The following RANBP3L variants were observed in gnomAD, a reference collection of about 807,000 sequenced individuals.
RANBP3L encodes the protein RAN binding protein 3 like.
A neutral mutation model predicts 67.2 loss-of-function variants in RANBP3L; 56 were observed. The observed-to-expected ratio is 0.83, with a 90% CI of 0.67 to 1.04. RANBP3L has a LOEUF of 1.04. Ranked by LOEUF, RANBP3L falls within the 50% of genes least tolerant of loss-of-function variation. RANBP3L has a pLI of 0.00. For missense variants in RANBP3L, 496 were observed against 535.5 expected (o/e 0.93, Z 0.73); for synonymous variants, 164 against 181.4 (o/e 0.90, Z 0.77).
Position 36,301,575 on chromosome 5 carries a change from T to A in RANBP3L, c.-159A>T. The A allele has an allele frequency of 2.0e-6, 1 of 494,220 alleles. No individual in the cohort carries two copies. Among genetic ancestry groups the A allele is most frequent in the Non-Finnish European group, 3.6e-6 (1 of 274,894 alleles). The allele number at this position is 494,220 out of a possible 1,614,324, so 30.6% of individuals were successfully genotyped here. A position where few individuals can be genotyped will look rare whatever the true frequency, so the allele number is the denominator to read the frequency against. On this transcript the variant is annotated 5_prime_UTR_variant, in exon 1 of 14. The change creates a new upstream start codon in the 5' untranslated region. Transcript: ENST00000296604. ...ATACTCCTCTACTAAACTTCCAAGC[T>A]TTTTCCAGTCATGATTCTTGAAATA...
chr5:36,289,400 C>T (rs113916356), intron 1 of RANBP3L, among the ~76,000 whole-genome samples: 1 of 151,886 alleles, frequency 6.6e-6, no homozygotes, highest in African/African-American at 2.4e-5. Context: ...TTTCCTTATC[C>T]TTTTAAAATC....
chr5:36,282,125 C>T (rs1283416744), intron 1 of RANBP3L, among the ~76,000 whole-genome samples: 1 of 152,156 alleles, frequency 6.6e-6, no homozygotes, highest in Non-Finnish European at 1.5e-5. Context: ...TTTAATTTGA[C>T]AGCATTTGTA....
chr5:36,285,103 T>A (rs1319987246), intron 1 of RANBP3L, among the ~76,000 whole-genome samples: 2 of 152,114 alleles, frequency 1.3e-5, no homozygotes, highest in Admixed American at 6.5e-5. Context: ...AGCTAATACA[T>A]CAAAAGTACT....
intron 1 of RANBP3L, among the ~76,000 whole-genome samples, chr5:36,291,063 A>C (rs1241626347): frequency 6.6e-6 from 1 of 151,842 alleles, no homozygotes; most frequent in Non-Finnish European, 1.5e-5. Flanking sequence ...TGTAGTGGTA[A>C]AATATACTTA....
At chr5:36,265,277 G>A (rs1749680491) in intron 5 of RANBP3L, among the ~76,000 whole-genome samples, 172 bp downstream of exon 5, 1 of 152,038 alleles carries the variant, frequency 6.6e-6, no homozygotes, top group South Asian at 2.1e-4. Context: ...CCTAGCTTTT[G>A]CCCAATAACT....
At position 36,296,930 on chromosome 5, in the gene RANBP3L, A is replaced by AGTCTACACTGCAGTTTGGACTT. The variant is rs563203317; in HGVS notation, c.91+4374_91+4395dup. 7.7e-3 allele frequency among the ~76,000 whole-genome samples: 1,170 copies of AGTCTACACTGCAGTTTGGACTT among 152,260 alleles called. 15 individuals carry two copies. The highest frequency in any genetic ancestry group is 0.026 in the African/African-American group (1,090 of 41,534). ...TCTTCACTTGGGTCTGCAGCCTGTCAGTCTACACTGCAGTTTGGACTTGCC... is the reference window on the plus strand; with the variant it reads ...TCTTCACTTGGGTCTGCAGCCTGTCAGTCTACACTGCAGTTTGGACTTGTCTACACTGCAGTTTGGACTTGCC... On this transcript the variant is annotated intron_variant, in intron 1 of 13. Coordinates refer to ENST00000296604, the MANE Select transcript of RANBP3L (RefSeq NM_145000.5).
At position 36,257,476 on chromosome 5, in the gene RANBP3L, A is replaced by G. The variant is rs752630263; in HGVS notation, c.750T>C (p.Phe250=). 3.2e-6 allele frequency: 5 copies of G among 1,578,796 alleles called. No individual in the cohort carries two copies. Among genetic ancestry groups the G allele is most frequent in the Non-Finnish European group, 4.3e-6 (5 of 1,154,164 alleles). The change falls in exon 9 of 14, where the codon TTT becomes TTC. Residue 250 remains phenylalanine, a synonymous_variant. Transcript: ENST00000296604. ...TACTTGAACTTAAAAAGTTGACAGGAAATTTCGGAATGGATTTGAATGGTT... is the reference window on the plus strand; with the variant it reads ...TACTTGAACTTAAAAAGTTGACAGGGAATTTCGGAATGGATTTGAATGGTT... The part of the protein sequence containing the change: ...KEKPFKSIPK[F]PVNFLSSRTD...
chr5:36,271,314 G>T lies in RANBP3L; in HGVS notation c.92-3C>A. On this transcript the variant is annotated splice_region_variant and splice_polypyrimidine_tract_variant and intron_variant, in intron 1 of 13. Coordinates refer to ENST00000296604, the MANE Select transcript of RANBP3L (RefSeq NM_145000.5). ...GGGTTGAGCAATGACAGATTTTTCT[G>T]TGAAAAAAAAGAAAACAGGCAAGAA... 6.4e-7 allele frequency: 1 copy of T among 1,565,540 alleles called. No individual in the cohort carries two copies. The highest frequency in any genetic ancestry group is 8.8e-7 in the Non-Finnish European group (1 of 1,140,860).
intron 1 of RANBP3L, among the ~76,000 whole-genome samples, chr5:36,286,023 G>T (rs1418498028): frequency 6.6e-6 from 1 of 152,186 alleles, no homozygotes; most frequent in Non-Finnish European, 1.5e-5. Flanking sequence ...GTTACTGGCT[G>T]ACTACACAGA....
intron 1 of RANBP3L, among the ~76,000 whole-genome samples, chr5:36,283,128 G>A (rs1751083648): frequency 6.6e-6 from 1 of 152,070 alleles, no homozygotes; most frequent in South Asian, 2.1e-4. Flanking sequence ...AGCTCAGTTG[G>A]CTCACTACAA....
chr5:36,264,960 T>C lies in RANBP3L; in HGVS notation c.479A>G (p.Lys160Arg). ...SCKTKEKTNN[K>R]ISEGNSYLLS... ...TTCCGTTATCCTGGGCTTTCTCACCTTATTATTTGTTTTTTCTTTAGTCTT... is the reference window on the plus strand; with the variant it reads ...TTCCGTTATCCTGGGCTTTCTCACCCTATTATTTGTTTTTTCTTTAGTCTT... The change falls in exon 6 of 14, where the codon AAG (lysine) becomes AGG (arginine). Residue 160 changes from lysine to arginine, a missense_variant and splice_region_variant. Lys to Arg is a conservative substitution (Grantham distance 26). Transcript: ENST00000296604. 2 of 1,611,854 alleles carry C rather than the reference T, an allele frequency of 1.2e-6. No individual in the cohort carries two copies. Among genetic ancestry groups the C allele is most frequent in the Non-Finnish European group, 1.7e-6 (2 of 1,179,320 alleles).
intron 8 of RANBP3L, among the ~76,000 whole-genome samples, chr5:36,258,607 A>G (rs531106093): frequency 6.6e-6 from 1 of 152,334 alleles, no homozygotes; most frequent in African/African-American, 2.4e-5. Flanking sequence ...ACCAACTTAA[A>G]GAGATAGTTC....
At chr5:36,261,671 T>G (rs1749398297) in intron 7 of RANBP3L, among the ~76,000 whole-genome samples, 1 of 152,164 alleles carries the variant, frequency 6.6e-6, no homozygotes, top group Non-Finnish European at 1.5e-5. Context: ...TATGTCCAAC[T>G]AAATAAAAGT....
At chr5:36,294,860 C>A (rs1561146257) in intron 1 of RANBP3L, among the ~76,000 whole-genome samples, 3 of 144,512 alleles carry the variant, frequency 2.1e-5, no homozygotes, top group African/African-American at 5.0e-5. Flanking sequence ...TATATATACT[C>A]ATACATATAT....
At chr5:36,283,539 TACACACACACAC>T (rs3086448) in intron 1 of RANBP3L, among the ~76,000 whole-genome samples, 5 of 144,698 alleles carry the variant, frequency 3.5e-5, no homozygotes, top group Non-Finnish European at 4.6e-5. Context: ...TATATAAAAA[TACACACACACAC>T]ACACACACAC....
chr5:36,264,867 C>T, intron 6 of RANBP3L, 92 bp downstream of exon 6: 1 of 1,119,496 alleles, frequency 8.9e-7, no homozygotes, highest in Non-Finnish European at 1.3e-6. Context: ...AAAGCTCAGA[C>T]AACTCCTATT....
intron 8 of RANBP3L, among the ~76,000 whole-genome samples, chr5:36,260,352 CT>C (rs1749287137): frequency 8.1e-6 from 1 of 122,852 alleles, no homozygotes; most frequent in Non-Finnish European, 1.7e-5. Flanking sequence ...CAGAGCGAGA[CT>C]CTGTCTCAAA....
chr5:36,299,319 A>C (rs556949019), intron 1 of RANBP3L, among the ~76,000 whole-genome samples: 1 of 146,726 alleles, frequency 6.8e-6, no homozygotes, highest in Non-Finnish European at 1.5e-5. Flanking sequence ...ATCTGTATAT[A>C]TATACACATA....
chr5:36,270,236 G>A (rs1293249035), intron 2 of RANBP3L, among the ~76,000 whole-genome samples: 3 of 152,150 alleles, frequency 2.0e-5, no homozygotes, highest in Non-Finnish European at 2.9e-5. Flanking sequence ...AAAAAACAAC[G>A]TCTAGTCCAG....
Sources: gnomAD v4.1 joint callset for allele counts (sites outside exome capture counted in the v4.1 genomes callset) on GRCh38, gnomAD v4.1.1 for gene constraint, MANE v1.5 for transcripts, NCBI Gene and HGNC (gene_info 2026-07-23, HGNC 2026-07-21) for gene names.